CAST: variants seen among roughly 807,000 people sequenced by gnomAD.
The protein encoded by CAST is calpastatin.
CAST carries 76 observed loss-of-function variants against 119.6 expected under a neutral mutation model. That is an observed-to-expected ratio of 0.64 (90% CI 0.53 to 0.77). The LOEUF (loss-of-function observed/expected upper bound fraction) is 0.77, where lower values mean the gene tolerates loss of function less well. CAST is among the 30% of genes least tolerant of loss of function. CAST has a pLI of 0.00. For synonymous variants in CAST, 319 were observed against 331.6 expected (o/e 0.96, Z 0.41); for missense variants, 953 against 946.5 (o/e 1.01, Z -0.09).
the CAST span, among the ~76,000 whole-genome samples, chr5:96,130,020 A>AC: frequency 2.4e-5 from 2 of 82,142 alleles, no homozygotes; most frequent in Non-Finnish European, 4.7e-5. Flanking sequence ...AAACACACAC[A>AC]CTTTTTTTTT....
At chr5:96,524,704 T>C (rs181974488), upstream of CAST, among the ~76,000 whole-genome samples, 5 of 152,270 alleles carry the variant, frequency 3.3e-5, no homozygotes, top group African/African-American at 1.2e-4. Context: ...TACCAGTCAG[T>C]TGAGACTGCA....
chr5:96,227,945 A>G, the CAST span, among the ~76,000 whole-genome samples: 4 of 152,202 alleles, frequency 2.6e-5, no homozygotes, highest in African/African-American at 7.2e-5. Flanking sequence ...GTGCCTTGAT[A>G]AAAATGATTT....
At chr5:96,528,808 A>G (rs1745640178), upstream of CAST, among the ~76,000 whole-genome samples, 1 of 152,238 alleles carries the variant, frequency 6.6e-6, no homozygotes, top group South Asian at 2.1e-4. Context: ...TGTAGTGATG[A>G]CTAGACCACA....
At chr5:96,291,843 CGTGTGTGTGTGT>C in the CAST span, among the ~76,000 whole-genome samples, 124 of 133,062 alleles carry the variant, frequency 9.3e-4, no homozygotes, top group East Asian at 2.7e-3. Context: ...TCCCAGTCTG[CGTGTGTGTGTGT>C]GTGTGTGTGT....
At chr5:96,649,617 G>C (rs1748067323) in intron 1 of CAST, among the ~76,000 whole-genome samples, 1 of 152,196 alleles carries the variant, frequency 6.6e-6, no homozygotes, top group Non-Finnish European at 1.5e-5. Flanking sequence ...GGATAAGTCT[G>C]TTGAAAGAGT....
intron 1 of CAST, among the ~76,000 whole-genome samples, chr5:96,545,751 G>T (rs928131349): frequency 1.3e-5 from 2 of 152,190 alleles, no homozygotes; most frequent in African/African-American, 4.8e-5. Context: ...AACAGCAACT[G>T]AAATGGCCAA....
intron 29 of CAST, chr5:96,769,677 T>C (rs900632092): frequency 6.6e-6 from 1 of 152,022 alleles, no homozygotes; most frequent in African/African-American, 2.4e-5. Flanking sequence ...ATTAACTCTC[T>C]ACACTTGTTC....
intron 1 of CAST, among the ~76,000 whole-genome samples, chr5:96,611,297 A>C (rs1747356759): frequency 6.6e-6 from 1 of 152,210 alleles, no homozygotes; most frequent in African/African-American, 2.4e-5. Flanking sequence ...ACCCAGAAAC[A>C]GAGCCACTCA....
At chr5:96,563,604 TC>T (rs1369365327) in intron 1 of CAST, among the ~76,000 whole-genome samples, 4 of 152,174 alleles carry the variant, frequency 2.6e-5, no homozygotes, top group African/African-American at 9.7e-5. Context: ...ACTGTGTCTA[TC>T]TTCAGATACT....
chr5:96,284,551 T>G, the CAST span, among the ~76,000 whole-genome samples: 1 of 152,158 alleles, frequency 6.6e-6, no homozygotes, highest in Non-Finnish European at 1.5e-5. Flanking sequence ...GGTAGTGTGT[T>G]GGAGTGGAAA....
intron 1 of CAST, among the ~76,000 whole-genome samples, chr5:96,571,479 T>C (rs886113467): frequency 2.0e-5 from 3 of 152,244 alleles, no homozygotes; most frequent in Non-Finnish European, 2.9e-5. Flanking sequence ...TGTGGCAGAA[T>C]TGAGTTATAA....
intron 24 of CAST, among the ~76,000 whole-genome samples, chr5:96,760,134 G>A (rs1767425501): frequency 6.6e-6 from 1 of 151,962 alleles, no homozygotes; most frequent in Admixed American, 6.6e-5. Flanking sequence ...GCTTCTATGA[G>A]TAATTATGGT....
the CAST span, among the ~76,000 whole-genome samples, chr5:96,510,902 T>C: frequency 1.3e-5 from 2 of 151,820 alleles, no homozygotes; most frequent in Admixed American, 1.3e-4. Context: ...GTATGTGGGG[T>C]TTATTATACT....
intron 3 of CAST, among the ~76,000 whole-genome samples, chr5:96,703,190 A>G (rs1241076318): frequency 6.6e-6 from 1 of 152,198 alleles, no homozygotes. Flanking sequence ...GTAGGGTTAC[A>G]AAACAAGGGA....
At chr5:96,511,394 G>A in the CAST span, among the ~76,000 whole-genome samples, 1,685 of 152,042 alleles carry the variant, frequency 0.011, 26 homozygotes, top group African/African-American at 0.039. Context: ...TACCTGCCTC[G>A]GCCTCCCAAA....
chr5:96,318,965 G>A, the CAST span: 1 of 152,108 alleles, frequency 6.6e-6, no homozygotes, highest in Admixed American at 6.5e-5. Context: ...ATTTTGCATT[G>A]CTATAAAGGA....
the CAST span, among the ~76,000 whole-genome samples, chr5:96,512,449 G>T: frequency 6.6e-6 from 1 of 152,198 alleles, no homozygotes; most frequent in Non-Finnish European, 1.5e-5. Flanking sequence ...TAGGGCTTAT[G>T]ACTGGAGATA....
chr5:96,497,855 C>A, the CAST span, among the ~76,000 whole-genome samples: 1 of 152,172 alleles, frequency 6.6e-6, no homozygotes, highest in African/African-American at 2.4e-5. Flanking sequence ...TGCAGAAGCT[C>A]TTTAGTTTAA....
chr5:96,366,021 T>C, the CAST span, among the ~76,000 whole-genome samples: 4 of 152,348 alleles, frequency 2.6e-5, no homozygotes, highest in Admixed American at 6.5e-5. Flanking sequence ...AGGGCAGGCC[T>C]GTTGGTGACA....
Sources: allele counts gnomAD v4.1 joint callset (sites outside exome capture counted in the v4.1 genomes callset), GRCh38; gene constraint gnomAD v4.1.1; transcripts MANE v1.5; gene names NCBI Gene and HGNC (gene_info 2026-07-23, HGNC 2026-07-21).